The following TRPM6 variants were observed in gnomAD, a reference collection of about 807,000 sequenced individuals.
TRPM6 encodes channel kinase 2.
Under a neutral mutation model 247.6 loss-of-function variants are expected in TRPM6, and 111 were observed. The ratio of observed to expected loss-of-function variants is 0.45; its 90% confidence interval spans 0.38 to 0.52. The LOEUF (loss-of-function observed/expected upper bound fraction) is 0.52. Ranked by LOEUF, TRPM6 falls within the 20% of genes least tolerant of loss-of-function variation. TRPM6 has a pLI of 0.00. For missense variants in TRPM6, 2,126 were observed against 2,421.5 expected (o/e 0.88, Z 2.56); for synonymous variants, 892 against 853.8 (o/e 1.04, Z -0.78).
At chr9:74,834,349 C>T (rs967084942) in intron 5 of TRPM6, among the ~76,000 whole-genome samples, 3 of 152,098 alleles carry the variant, frequency 2.0e-5, no homozygotes, top group Non-Finnish European at 1.5e-5. Context: ...TCCTCTGAGC[C>T]CTTTGGGCAA....
intron 17 of TRPM6, among the ~76,000 whole-genome samples, chr9:74,799,087 A>G (rs537630929): frequency 3.5e-4 from 54 of 152,254 alleles, no homozygotes; most frequent in African/African-American, 1.3e-3. Context: ...ATCAAAGCAA[A>G]TCATTGGAGA....
Position 74,727,978 on chromosome 9 carries a change from G to A in TRPM6, c.5935+261C>T, listed in dbSNP as rs2274527. The stretch of plus-strand genomic sequence containing the variant: ...GGTCAGATTTCATCCCATTTAAGTC[G>A]GTGGAACTTTTCTTTTGGAGTGACT... On this transcript the variant is annotated intron_variant, in intron 38 of 38. Coordinates refer to ENST00000360774, the MANE Select transcript of TRPM6 (RefSeq NM_017662.5). 0.055 allele frequency among the ~76,000 whole-genome samples: 8,341 copies of A among 152,110 alleles called. 323 individuals carry two copies. Among genetic ancestry groups the A allele is most frequent in the East Asian group, 0.16 (842 of 5,154 alleles).
chr9:74,834,434 C>T (rs1829649211), intron 5 of TRPM6, among the ~76,000 whole-genome samples: 1 of 151,662 alleles, frequency 6.6e-6, no homozygotes, highest in South Asian at 2.1e-4. Flanking sequence ...CCTCAGCAAG[C>T]CCAGCCCTAA....
rs1355389941 is a variant in TRPM6 at position 74,762,388 on chromosome 9, C to T, written c.4283G>A (p.Ser1428Asn). The T allele has an allele frequency of 6.2e-7, 1 of 1,614,082 alleles. No individual in the cohort carries two copies. Among genetic ancestry groups the T allele is most frequent in the African/African-American group, 1.3e-5 (1 of 74,926 alleles). ...CATTGTCATGGGTTCAGGTGTGCAA[C>T]TCAAAGTGGGTAGCACTTGCTCTGC... ...DKAEQVLPTLSCTPEPMTMSS... is the reference protein window; with the variant it reads ...DKAEQVLPTLNCTPEPMTMSS... Residue 1428 changes from serine (S) to asparagine (N), a missense_variant, in exon 26 of 39, where the codon AGT becomes AAT. Transcript: ENST00000360774.
chr9:74,887,593 G>A, intron 1 of TRPM6: 3 of 1,519,204 alleles, frequency 2.0e-6, no homozygotes, highest in South Asian at 1.2e-5. Flanking sequence ...CTCTTGAAAC[G>A]GGGGCTGCGG....
At chr9:74,773,794 TA>T (rs1685253743) in intron 24 of TRPM6, among the ~76,000 whole-genome samples, 1 of 152,242 alleles carries the variant, frequency 6.6e-6, no homozygotes, top group South Asian at 2.1e-4. Context: ...AAAACATGGC[TA>T]AAAGTATTAT....
intron 19 of TRPM6, among the ~76,000 whole-genome samples, chr9:74,791,879 C>A (rs1056600625): frequency 6.6e-6 from 1 of 152,210 alleles, no homozygotes; most frequent in Non-Finnish European, 1.5e-5. Flanking sequence ...GCCTCAGCCT[C>A]CTGAGTAGCT....
In TRPM6 at chr9:74,801,909, C is replaced by T. The variant is rs1384880178; in HGVS notation, c.1998G>A (p.Lys666=). 6.2e-7 allele frequency: 1 copy of T among 1,614,186 alleles called. No individual in the cohort carries two copies. The highest frequency in any genetic ancestry group is 8.5e-7 in the Non-Finnish European group (1 of 1,180,022). Residue 666 remains lysine (K), a synonymous_variant, in exon 16 of 39, where the codon AAG becomes AAA. Transcript: ENST00000360774. ...GAGAGAACACTTACTTTGAGTAATTCTTCAACTCTTCTGAGGCATCATCCA... is the reference window on the plus strand; with the variant it reads ...GAGAGAACACTTACTTTGAGTAATTTTTCAACTCTTCTGAGGCATCATCCA... ...HMVDDASEEL[K]NYSKQFGQLA...
intron 1 of TRPM6, among the ~76,000 whole-genome samples, chr9:74,869,735 G>C (rs1830964964): frequency 1.3e-5 from 2 of 151,912 alleles, no homozygotes; most frequent in South Asian, 4.2e-4. Context: ...TAAGGGAGAA[G>C]TCAACAAAAA....
chr9:74,835,223 A>G (rs948888600), intron 5 of TRPM6, among the ~76,000 whole-genome samples: 6 of 152,206 alleles, frequency 3.9e-5, no homozygotes, highest in African/African-American at 1.4e-4. Flanking sequence ...TTGGCTGCAT[A>G]AATGTCTTCT....
rs1304485623 is a variant in TRPM6 at position 74,827,551 on chromosome 9, T to C, written c.841+227A>G. The stretch of plus-strand genomic sequence containing the variant: ...AGAGAGGAAGAAATCTTTGGGGGGA[T>C]CATGGAAGGATGAAGACTTTAGTGG... On this transcript the variant is annotated intron_variant, in intron 7 of 38. Coordinates refer to ENST00000360774, the MANE Select transcript of TRPM6 (RefSeq NM_017662.5). 6.1e-6 allele frequency: 4 copies of C among 652,228 alleles called. No homozygotes were observed. The Admixed American group carries it at 8.9e-5, about 15-fold the overall frequency. 40.4% of individuals were successfully genotyped at this position (652,228 alleles called of 1,614,324 possible).
At position 74,782,383 on chromosome 9, in the gene TRPM6, T is replaced by G; in HGVS notation, c.3188A>C (p.Asn1063Thr). 1 of 1,613,350 alleles carries G rather than the reference T, an allele frequency of 6.2e-7. No homozygotes were observed. ...CTACTTGAAGAAAGCAATCAACAGG[T>G]TCACCATGATGATATATTGCACGAA... ...YLFVQYIIMV[N>T]LLIAFFNNVY... is the part of the protein sequence containing the mutation. Residue 1063 changes from asparagine to threonine, a missense_variant, in exon 23 of 39, where the codon AAC becomes ACC. Coordinates refer to ENST00000360774, the MANE Select transcript of TRPM6 (RefSeq NM_017662.5).
At chr9:74,753,117 A>AT (rs1012372538) in intron 28 of TRPM6, among the ~76,000 whole-genome samples, 1 of 151,748 alleles carries the variant, frequency 6.6e-6, no homozygotes, top group Non-Finnish European at 1.5e-5. Context: ...TCTCAAAAAA[A>AT]AAAAAAAAAA....
At chr9:74,774,843 T>G (rs1827162749) in intron 24 of TRPM6, among the ~76,000 whole-genome samples, 1 of 152,210 alleles carries the variant, frequency 6.6e-6, no homozygotes, top group South Asian at 2.1e-4. Context: ...ATAAAGAGAA[T>G]AAATGGCTTC....
In TRPM6 at chr9:74,756,013, A is replaced by G. The variant is rs147059883; in HGVS notation, c.4786-540T>C. ...AAAATAATAGATAGCCAATAATATGACCGTCCTATATACTTCCGAGCTGCA... is the reference window on the plus strand; with the variant it reads ...AAAATAATAGATAGCCAATAATATGGCCGTCCTATATACTTCCGAGCTGCA... On this transcript the variant is annotated intron_variant, in intron 27 of 38. Coordinates refer to ENST00000360774, the MANE Select transcript of TRPM6 (RefSeq NM_017662.5). 4.5e-3 allele frequency among the ~76,000 whole-genome samples: 680 copies of G among 152,302 alleles called. 7 individuals are homozygous for G. The highest frequency in any genetic ancestry group is 0.014 in the Middle Eastern group (4 of 294).
At position 74,867,746 on chromosome 9, in the gene TRPM6, A is replaced by C. The variant is rs539116552; in HGVS notation, c.34-8998T>G. Among the ~76,000 whole-genome samples the C allele has an allele frequency of 2.0e-5, 3 of 152,330 alleles. No individual in the cohort carries two copies. In the South Asian group the frequency reaches 6.2e-4, roughly 32 times the overall value. ...CCTTTACAATCCATAGGCAGGATAC[A>C]TCCTATCAGTTTATCCACCTCTTTT... On this transcript the variant is annotated intron_variant, in intron 1 of 38. Transcript: ENST00000360774.
chr9:74,762,615 CT>C lies in TRPM6; in HGVS notation c.4055del (p.Lys1352SerfsTer36). On this transcript the variant is annotated frameshift_variant, in exon 26 of 39. Transcript: ENST00000360774. LOFTEE classifies it high-confidence loss of function. Reference protein sequence around the residue: ...GQFLLVPSNLKRVPFSAETVL... With the variant: ...GQFLLVPSNLXRVPFSAETVL... ...CAGTTTCTGCTGAAAAAGGAACTCG[CT>C]TTAGATTAGAGGGGACCAGAAGAAA... The C allele has an allele frequency of 6.2e-7, 1 of 1,614,172 alleles. No individual in the cohort carries two copies. The highest frequency in any genetic ancestry group is 8.5e-7 in the Non-Finnish European group (1 of 1,180,038).
At chr9:74,863,299 G>A (rs777943660) in intron 1 of TRPM6, among the ~76,000 whole-genome samples, 3 of 151,814 alleles carry the variant, frequency 2.0e-5, no homozygotes, top group Non-Finnish European at 4.4e-5. Context: ...CACCCGCCTC[G>A]GCCTCCCAAA....
intron 31 of TRPM6, among the ~76,000 whole-genome samples, chr9:74,746,603 C>T (rs1826054749): frequency 6.6e-6 from 1 of 152,152 alleles, no homozygotes; most frequent in Non-Finnish European, 1.5e-5. Flanking sequence ...TTGCAGTCTA[C>T]CTTTGGGTAA....
Sources: allele counts gnomAD v4.1 joint callset (sites outside exome capture counted in the v4.1 genomes callset), GRCh38; gene constraint gnomAD v4.1.1; transcripts MANE v1.5; gene names NCBI Gene and HGNC (gene_info 2026-07-23, HGNC 2026-07-21).